PRKACB: variants seen among roughly 807,000 people sequenced by gnomAD.
The protein encoded by PRKACB is cAMP-dependent protein kinase catalytic subunit beta.
PRKACB carries 16 observed loss-of-function variants against 51.4 expected under a neutral mutation model. The ratio of observed to expected loss-of-function variants is 0.31; its 90% CI spans 0.21 to 0.47. PRKACB has a LOEUF of 0.47. PRKACB is among the 20% of genes least tolerant of loss of function. The pLI is 1.00. For missense variants in PRKACB, 309 were observed against 464.5 expected (o/e 0.67, Z 3.08); for synonymous variants, 147 against 154.4 (o/e 0.95, Z 0.35).
At chr1:84,216,073 C>A (rs1367233543) in intron 9 of PRKACB, among the ~76,000 whole-genome samples, 1 of 152,144 alleles carries the variant, frequency 6.6e-6, no homozygotes, top group Non-Finnish European at 1.5e-5. Flanking sequence ...CTGGCTCACA[C>A]CTGAAATCCT....
intron 1 of PRKACB, among the ~76,000 whole-genome samples, chr1:84,118,536 A>T (rs1337495388): frequency 6.6e-6 from 1 of 152,204 alleles, no homozygotes; most frequent in African/African-American, 2.4e-5. Context: ...AATAAGAGTG[A>T]CAAAAGAAAA....
intron 2 of PRKACB, among the ~76,000 whole-genome samples, chr1:84,180,959 T>TA (rs1216429149): frequency 6.6e-6 from 1 of 152,084 alleles, no homozygotes; most frequent in African/African-American, 2.4e-5. Context: ...TCCATGTTGA[T>TA]AAAACCTAAG....
At chr1:84,199,974 T>A (rs1168523101) in intron 7 of PRKACB, among the ~76,000 whole-genome samples, 2 of 152,128 alleles carry the variant, frequency 1.3e-5, no homozygotes, top group Non-Finnish European at 2.9e-5. Flanking sequence ...GGCTCCCAAG[T>A]AGCTGGGACT....
chr1:84,216,367 CA>C (rs1299976848), intron 9 of PRKACB, among the ~76,000 whole-genome samples: 1 of 151,728 alleles, frequency 6.6e-6, no homozygotes, highest in East Asian at 1.9e-4. Context: ...ATAAAGATTA[CA>C]AAAACAAAAC....
chr1:84,082,965 T>G (rs1016277037), intron 1 of PRKACB, among the ~76,000 whole-genome samples: 2 of 152,224 alleles, frequency 1.3e-5, no homozygotes, highest in African/African-American at 2.4e-5. Context: ...GAATAAGCAT[T>G]TATAAACTTA....
upstream of PRKACB, chr1:84,078,103 G>T: frequency 2.3e-6 from 1 of 433,670 alleles, no homozygotes. Flanking sequence ...CGCCGTCGCC[G>T]CCGCCGCCGC....
chr1:84,120,543 C>G (rs1182134576), intron 1 of PRKACB, among the ~76,000 whole-genome samples: 1 of 151,962 alleles, frequency 6.6e-6, no homozygotes, highest in East Asian at 1.9e-4. Context: ...ACAATAATGA[C>G]TGTGCATCAA....
Position 84,117,056 on chromosome 1 carries a change from T to G in PRKACB, c.46+38685T>G, listed in dbSNP as rs150204042. ...TGAGTTTTTTTTTTCAGATGTCTTT[T>G]CTGCATCCATTGAGATAATAATGAT... On this transcript the variant is annotated intron_variant, in intron 1 of 8. Coordinates refer to the PRKACB transcript ENST00000370688. Among the ~76,000 whole-genome samples the G allele has an allele frequency of 2.2e-3, 336 of 152,246 alleles. 1 individual carries two copies. Among genetic ancestry groups the G allele is most frequent in the Middle Eastern group, 0.01 (3 of 294 alleles).
At chr1:84,106,033 T>C (rs1044692192) in intron 1 of PRKACB, among the ~76,000 whole-genome samples, 1 of 152,110 alleles carries the variant, frequency 6.6e-6, no homozygotes, top group African/African-American at 2.4e-5. Context: ...GTATAATAGG[T>C]ATTATAAGTA....
chr1:84,186,421 G>C (rs1380847819), intron 5 of PRKACB, among the ~76,000 whole-genome samples: 1 of 151,916 alleles, frequency 6.6e-6, no homozygotes, highest in South Asian at 2.1e-4. Flanking sequence ...TTTTCACCGT[G>C]TTGGCCAGGC....
intron 1 of PRKACB, among the ~76,000 whole-genome samples, chr1:84,098,788 GACAAA>G (rs1649119487): frequency 6.6e-6 from 1 of 152,070 alleles, no homozygotes; most frequent in African/African-American, 2.4e-5. Context: ...AGCAAGTATA[GACAAA>G]ACGAGAGAGA....
Position 84,144,429 on chromosome 1 carries a change from A to G in PRKACB, c.68A>G (p.Glu23Gly). 6.2e-7 allele frequency: 1 copy of G among 1,613,270 alleles called. No individual in the cohort carries two copies. ...ACAACTACAGCTCTTCAGAAATTGGAAGGTTTTGCTAGCCGGTTATTTCAT... is the reference window on the plus strand; with the variant it reads ...ACAACTACAGCTCTTCAGAAATTGGGAGGTTTTGCTAGCCGGTTATTTCAT... Reference protein sequence around the residue: ...TGTTTALQKLEGFASRLFHRH... With the variant: ...TGTTTALQKLGGFASRLFHRH... Residue 23 changes from glutamate (E) to glycine (G), a missense_variant, in exon 1 of 10, where the codon GAA becomes GGA. Coordinates refer to ENST00000370685, the MANE Select transcript of PRKACB (RefSeq NM_182948.4).
chr1:84,179,161 A>T lies in PRKACB; in HGVS notation c.188-16A>T. On this transcript the variant is annotated splice_polypyrimidine_tract_variant and intron_variant, in intron 1 of 9. Coordinates refer to ENST00000370685, the MANE Select transcript of PRKACB (RefSeq NM_182948.4). ...ATTCTTACAAGATAAATTTGTTTTT[A>T]TATGTATATTTTCAGTGAAAGAGTT... 1 of 1,578,106 alleles carries T rather than the reference A, an allele frequency of 6.3e-7. No individual in the cohort carries two copies. Among genetic ancestry groups the T allele is most frequent in the South Asian group, 1.2e-5 (1 of 83,880 alleles).
At chr1:84,210,120 A>G (rs1159048920) in intron 8 of PRKACB, among the ~76,000 whole-genome samples, 1 of 152,190 alleles carries the variant, frequency 6.6e-6, no homozygotes, top group Non-Finnish European at 1.5e-5. Flanking sequence ...GATAAACACC[A>G]TGTGTTGAGA....
chr1:84,223,937 G>A (rs148251908), intron 9 of PRKACB, among the ~76,000 whole-genome samples: 45 of 152,308 alleles, frequency 3.0e-4, no homozygotes, highest in African/African-American at 1.1e-3. Flanking sequence ...CACATCTGGT[G>A]TAACAGTCAT....
intron 8 of PRKACB, among the ~76,000 whole-genome samples, chr1:84,208,141 T>C (rs1439884928): frequency 2.0e-5 from 3 of 152,104 alleles, no homozygotes; most frequent in Non-Finnish European, 4.4e-5. Context: ...TTACTGGGAG[T>C]AGTAATTTGA....
At chr1:84,107,117 A>G (rs1649815823) in intron 1 of PRKACB, among the ~76,000 whole-genome samples, 1 of 152,178 alleles carries the variant, frequency 6.6e-6, no homozygotes, top group Non-Finnish European at 1.5e-5. Flanking sequence ...AAACCTACAG[A>G]TATGCCCCCG....
upstream of PRKACB, among the ~76,000 whole-genome samples, chr1:84,139,791 G>T (rs1292898566): frequency 1.3e-5 from 2 of 152,216 alleles, no homozygotes; most frequent in African/African-American, 4.8e-5. Context: ...GGGCACTGTG[G>T]CTTACGCCTG....
chr1:84,181,921 T>G (rs1360806712), intron 2 of PRKACB, among the ~76,000 whole-genome samples: 1 of 152,036 alleles, frequency 6.6e-6, no homozygotes, highest in Non-Finnish European at 1.5e-5. Context: ...GAATGCATAC[T>G]GGAATATAAT....
Sources: gnomAD v4.1 joint callset for allele counts (sites outside exome capture counted in the v4.1 genomes callset) on GRCh38, gnomAD v4.1.1 for gene constraint, MANE v1.5 for transcripts, NCBI Gene and HGNC (gene_info 2026-07-23, HGNC 2026-07-21) for gene names.